DHX15: variants seen among roughly 807,000 people sequenced by gnomAD.
DHX15 encodes DEAH-box helicase 15.
A neutral mutation model predicts 94.4 loss-of-function variants in DHX15; 11 were observed. That is an observed-to-expected ratio of 0.12 (90% confidence interval 0.07 to 0.19). The LOEUF is 0.19. Among genes scored for constraint, DHX15 ranks in the 10% least tolerant of loss-of-function variants. The pLI is 1.00. For missense variants in DHX15, 304 were observed against 988.5 expected, an observed-to-expected ratio of 0.31 and a Z score of 9.29; for synonymous variants, 338 against 329.9, an observed-to-expected ratio of 1.02 and a Z score of -0.27.
rs1278363940 is a variant in DHX15, at chr4:24,576,409, C to T, written c.341G>A (p.Cys114Tyr). The stretch of plus-strand genomic sequence containing the variant: ...GGGTAAGTTGGTGAACGGATTAATG[C>T]ACTGTGGAAGTGACGTGTGACCTGC... Reference protein sequence around the residue: ...GHAGHTSLPQCINPFTNLPHT... With the variant: ...GHAGHTSLPQYINPFTNLPHT... The change falls in exon 2 of 14, where the codon TGC becomes TAC. Residue 114 changes from cysteine to tyrosine, a missense_variant. By Grantham distance (194) the Cys-to-Tyr change is radical (BLOSUM62 -2). Coordinates refer to ENST00000336812, the MANE Select transcript of DHX15 (RefSeq NM_001358.3). 1.9e-6 allele frequency: 3 copies of T among 1,614,128 alleles called. No homozygotes were observed. The highest frequency in any genetic ancestry group is 1.7e-5 in the Admixed American group (1 of 60,014).
chr4:24,557,430 A>C (rs1380621816), intron 3 of DHX15, among the ~76,000 whole-genome samples: 1 of 152,152 alleles, frequency 6.6e-6, no homozygotes, highest in Non-Finnish European at 1.5e-5. Flanking sequence ...GATTAGTCTA[A>C]CCTAATCTTT....
chr4:24,534,849 T>C (rs1364711099), intron 11 of DHX15, among the ~76,000 whole-genome samples: 1 of 152,062 alleles, frequency 6.6e-6, no homozygotes, highest in African/African-American at 2.4e-5. Context: ...ATTAATAACA[T>C]ACAACCATTT....
intron 2 of DHX15, among the ~76,000 whole-genome samples, chr4:24,572,710 T>C (rs913701438): frequency 3.3e-5 from 5 of 152,208 alleles, no homozygotes; most frequent in African/African-American, 1.2e-4. Context: ...AAAACTTAGC[T>C]AGAAGAGTGC....
intron 1 of DHX15, among the ~76,000 whole-genome samples, chr4:24,578,237 G>C (rs913836509): frequency 2.0e-5 from 3 of 152,166 alleles, no homozygotes; most frequent in Admixed American, 1.3e-4. Flanking sequence ...TTCAATACTT[G>C]AGAGTCTGGA....
At chr4:24,547,931 ATATATATATATCTATATC>A (rs1553949981) in intron 6 of DHX15, among the ~76,000 whole-genome samples, 592 of 36,268 alleles carry the variant, frequency 0.016, 15 homozygotes, top group African/African-American at 0.051. Context: ...ATATATATAT[ATATATATATATCTATATC>A]TATATCTATA....
chr4:24,536,090 C>T (rs78110481), intron 11 of DHX15, among the ~76,000 whole-genome samples: 10,065 of 151,992 alleles, frequency 0.066, 561 homozygotes, highest in African/African-American at 0.15. Flanking sequence ...TCAATTTTTG[C>T]AAATGGTACA....
chr4:24,535,271 A>C (rs1721170022), intron 11 of DHX15, among the ~76,000 whole-genome samples: 1 of 152,168 alleles, frequency 6.6e-6, no homozygotes, highest in South Asian at 2.1e-4. Flanking sequence ...TTTGATGTAG[A>C]AAGTAGTATT....
chr4:24,549,082 A>G lies in DHX15; in HGVS notation c.1081-60T>C, dbSNP rs1251952331. ...GAAACATTTTAAAGTATTTATTATA[A>G]TCCTAGTTCTATGCAGTCTGTTTTA... is the stretch of plus-strand genomic sequence containing the variant. On this transcript the variant is annotated intron_variant, in intron 5 of 13. Transcript: ENST00000336812. 1.1e-5 allele frequency: 16 copies of G among 1,433,812 alleles called. No homozygotes were observed. In the African/African-American group the frequency reaches 1.6e-4, roughly 14 times the overall value. The allele number at this position is 1,433,812 out of a possible 1,614,324, so 88.8% of individuals were successfully genotyped here.
chr4:24,528,988 G>T (rs1721022109), intron 13 of DHX15, among the ~76,000 whole-genome samples: 1 of 145,644 alleles, frequency 6.9e-6, no homozygotes, highest in African/African-American at 2.5e-5. Context: ...TGGCTCCAAA[G>T]AAACTCTAAA....
At chr4:24,576,799 G>C (rs2109011939) in intron 1 of DHX15, 121 bp from the exon 2 acceptor site, 1 of 1,355,756 alleles carries the variant, frequency 7.4e-7, no homozygotes, top group Admixed American at 2.7e-5. Context: ...AATGGATTAT[G>C]TAACTATCAG....
intron 13 of DHX15, 148 bp from the exon 14 acceptor site, chr4:24,528,189 C>T: frequency 1.7e-6 from 1 of 581,162 alleles, no homozygotes; most frequent in South Asian, 2.4e-5. Context: ...ATAACTAATC[C>T]TTACAAATAG....
In DHX15 at chr4:24,543,040, G is replaced by C. The variant is rs764281638; in HGVS notation, c.1249-14C>G. 7 of 1,569,724 alleles carry C rather than the reference G, an allele frequency of 4.5e-6. No homozygotes were observed. Among genetic ancestry groups the C allele is most frequent in the South Asian group, 3.4e-5 (3 of 89,164 alleles). ...TGACACAACTACCTGTTAAGAAATA[G>C]AGTATATAAATTATATTACATATCA... On this transcript the variant is annotated splice_polypyrimidine_tract_variant and intron_variant, in intron 6 of 13. Coordinates refer to ENST00000336812, the MANE Select transcript of DHX15 (RefSeq NM_001358.3).
At chr4:24,579,765 G>A in intron 1 of DHX15, among the ~76,000 whole-genome samples, 1 of 152,170 alleles carries the variant, frequency 6.6e-6, no homozygotes, top group South Asian at 2.1e-4. Flanking sequence ...GGTTGTTGTT[G>A]TTATTATTAC....
chr4:24,532,208 C>G (rs1035148315), intron 12 of DHX15, among the ~76,000 whole-genome samples: 1 of 152,160 alleles, frequency 6.6e-6, no homozygotes, highest in African/African-American at 2.4e-5. Context: ...GTTCTTATAG[C>G]CGTTAACACA....
At chr4:24,575,093 G>A (rs748178028) in intron 2 of DHX15, among the ~76,000 whole-genome samples, 3 of 151,218 alleles carry the variant, frequency 2.0e-5, no homozygotes, top group African/African-American at 2.4e-5. Flanking sequence ...GGAGGTTGAC[G>A]CTGTGTTCAT....
At chr4:24,576,222 C>T (rs755174420) in intron 2 of DHX15, 21 bp downstream of exon 2, 3 of 1,581,158 alleles carry the variant, frequency 1.9e-6, no homozygotes, top group Non-Finnish European at 2.6e-6. Flanking sequence ...GAAATATGTA[C>T]CATGGTATAC....
intron 5 of DHX15, 95 bp downstream of exon 5, chr4:24,554,630 T>C: frequency 1.0e-6 from 1 of 959,502 alleles, no homozygotes; most frequent in Non-Finnish European, 1.6e-6. Context: ...AACATTGAAA[T>C]AAAAAATATG....
rs1419949326 is a variant in DHX15, at chr4:24,527,619, A to G, written c.*305T>C. On this transcript the variant is annotated 3_prime_UTR_variant, in exon 14 of 14. Coordinates refer to ENST00000336812, the MANE Select transcript of DHX15 (RefSeq NM_001358.3). ...ATCATGCATACCATGGTCGATAATC[A>G]CATTTTAGAAGCATTTTCAACCATT... is the stretch of plus-strand genomic sequence containing the variant. 2 of 249,218 alleles carry G rather than the reference A, an allele frequency of 8.0e-6. No individual in the cohort carries two copies. The highest frequency in any genetic ancestry group is 1.6e-5 in the Non-Finnish European group (2 of 128,906). 15.4% of individuals were successfully genotyped at this position (249,218 alleles called of 1,614,324 possible). A position where few individuals can be genotyped will look rare whatever the true frequency, so the allele number is the denominator to read the frequency against.
At chr4:24,548,422 C>T (rs1312945233) in intron 6 of DHX15, among the ~76,000 whole-genome samples, 3 of 152,116 alleles carry the variant, frequency 2.0e-5, no homozygotes, top group Non-Finnish European at 4.4e-5. Context: ...GGATTACAGG[C>T]CTGAGCCGCC....
Sources: allele counts gnomAD v4.1 joint callset (sites outside exome capture counted in the v4.1 genomes callset), GRCh38; gene constraint gnomAD v4.1.1; transcripts MANE v1.5; gene names NCBI Gene and HGNC (gene_info 2026-07-23, HGNC 2026-07-21).